INPP5D: variants seen among roughly 807,000 people sequenced by gnomAD.
INPP5D encodes the protein phosphatidylinositol 3,4,5-trisphosphate 5-phosphatase 1.
In INPP5D, 33 loss-of-function variants were observed where a neutral mutation model predicts 122.9. The observed-to-expected ratio is 0.27, with a 90% CI of 0.20 to 0.36. The LOEUF (loss-of-function observed/expected upper bound fraction) is 0.36. INPP5D is among the 10% of genes least tolerant of loss of function. INPP5D has a pLI of 1.00. For missense variants in INPP5D, 1,053 were observed against 1,412.7 expected (o/e 0.75, Z 4.08); for synonymous variants, 584 against 576.2 (o/e 1.01, Z -0.19).
At chr2:233,079,546 G>C (rs933503336) in intron 2 of INPP5D, 148 bp downstream of exon 2, 10 of 644,620 alleles carry the variant, frequency 1.6e-5, no homozygotes, top group Non-Finnish European at 2.8e-5. Flanking sequence ...GTGTCCATGG[G>C]GTGGCTTAGC....
rs183808203 is a variant in INPP5D, at chr2:233,105,810, G to A, written c.199-16297G>A. On this transcript the variant is annotated intron_variant, in intron 2 of 26. Transcript: ENST00000445964. The surrounding 1 kb of genome is among the most constrained non-coding windows in gnomAD (Gnocchi z 4.0). Reference sequence around the variant, plus strand: ...CAGCAAGTGGAGGGTGCCAGGGAGAGAGTGGCTCTGGGGGGCCACAGTGGG... The same window carrying A: ...CAGCAAGTGGAGGGTGCCAGGGAGAAAGTGGCTCTGGGGGGCCACAGTGGG... Among the ~76,000 whole-genome samples, 2 of 152,302 alleles carry A rather than the reference G, an allele frequency of 1.3e-5. No individual in the cohort carries two copies. The highest frequency in any genetic ancestry group is 3.9e-4 in the East Asian group (2 of 5,184).
rs1442119142 is a variant in INPP5D at position 233,206,319 on chromosome 2, C to CAT, written c.3568-377_3568-376dup. ...CATTGATATCCATTACATATCATTT[C>CAT]ATATATATATACTATACATATTACA... On this transcript the variant is annotated intron_variant, in intron 26 of 26. Coordinates refer to ENST00000445964, the MANE Select transcript of INPP5D (RefSeq NM_001017915.3). The surrounding 1 kb of genome is among the most constrained non-coding windows in gnomAD (Gnocchi z 4.0). 1.3e-5 allele frequency among the ~76,000 whole-genome samples: 2 copies of CAT among 151,072 alleles called. No homozygotes were observed. The highest frequency in any genetic ancestry group is 2.4e-5 in the African/African-American group (1 of 41,170).
chr2:233,068,784 T>C (rs1253942353), intron 1 of INPP5D, among the ~76,000 whole-genome samples: 1 of 152,116 alleles, frequency 6.6e-6, no homozygotes, highest in Non-Finnish European at 1.5e-5. Flanking sequence ...ACTTGAGGCC[T>C]CCTTGGAGGA....
At chr2:233,162,379 T>TAATATATATACATATGCTAAATATATAC (rs66743232) in intron 11 of INPP5D, among the ~76,000 whole-genome samples, 1 of 150,538 alleles carries the variant, frequency 6.6e-6, no homozygotes. Flanking sequence ...GCTGAATATA[T>TAATATATATACATATGCTAAATATATAC]AGTATATATA....
At chr2:233,149,667 G>A (rs560946108) in intron 9 of INPP5D, among the ~76,000 whole-genome samples, 24 of 152,130 alleles carry the variant, frequency 1.6e-4, no homozygotes, top group Non-Finnish European at 3.1e-4. Flanking sequence ...TTGCAATAGT[G>A]CATCCTGAAC....
chr2:233,173,104 G>T (rs1203129263), intron 17 of INPP5D, among the ~76,000 whole-genome samples: 1 of 151,996 alleles, frequency 6.6e-6, no homozygotes, highest in Non-Finnish European at 1.5e-5. Context: ...AGCTACTCGG[G>T]AGGCTGAGGC....
At chr2:233,121,139 T>C (rs1204311298) in intron 2 of INPP5D, among the ~76,000 whole-genome samples, 2 of 146,950 alleles carry the variant, frequency 1.4e-5, no homozygotes, top group African/African-American at 2.5e-5. Context: ...TTTTTCTTTT[T>C]TTTTTTTTTT....
intron 1 of INPP5D, among the ~76,000 whole-genome samples, chr2:233,075,065 A>C (rs192399222): frequency 6.6e-6 from 1 of 152,290 alleles, no homozygotes; most frequent in Admixed American, 6.5e-5. Flanking sequence ...ATGCTCTTCT[A>C]CTGAGAAGCA....
intron 22 of INPP5D, among the ~76,000 whole-genome samples, chr2:233,190,916 G>A (rs1449324978): frequency 2.0e-5 from 3 of 152,224 alleles, no homozygotes; most frequent in South Asian, 2.1e-4. Flanking sequence ...TTGGAAATCC[G>A]CATCTGCAGT....
intron 2 of INPP5D, among the ~76,000 whole-genome samples, chr2:233,103,531 G>C (rs575877857): frequency 1.5e-4 from 23 of 152,088 alleles, no homozygotes; most frequent in Middle Eastern, 3.4e-3. Context: ...ATTGGAGAAC[G>C]GCAATCTTTC....
chr2:233,126,544 A>G (rs2106260463), intron 4 of INPP5D, among the ~76,000 whole-genome samples: 1 of 152,286 alleles, frequency 6.6e-6, no homozygotes. Flanking sequence ...TATTTGTGCT[A>G]TTTATCAAAT....
intron 2 of INPP5D, among the ~76,000 whole-genome samples, chr2:233,090,705 C>T (rs1420219683): frequency 6.6e-6 from 1 of 152,150 alleles, no homozygotes; most frequent in East Asian, 1.9e-4. Flanking sequence ...TGCCTGTAAT[C>T]CCAGCACTTT....
intron 4 of INPP5D, among the ~76,000 whole-genome samples, chr2:233,126,691 G>A (rs938325450): frequency 4.6e-5 from 7 of 152,196 alleles, no homozygotes; most frequent in African/African-American, 1.2e-4. Context: ...AGGCCCAGGC[G>A]GGCAGATCAC....
intron 22 of INPP5D, among the ~76,000 whole-genome samples, chr2:233,191,101 A>G (rs549768907): frequency 2.0e-4 from 30 of 152,310 alleles, no homozygotes; most frequent in Non-Finnish European, 3.1e-4. Context: ...CGGGTAATTT[A>G]TAAAGGAAAG....
rs772940146 is a variant in INPP5D, at chr2:233,170,197, G to A, written c.1791+33G>A. Reference sequence around the variant, plus strand: ...CTGCCCGCCTGGGGCTGGGGCTGGGGCTGTATGAGATGGAGGCTCCCTTGA... The same window carrying A: ...CTGCCCGCCTGGGGCTGGGGCTGGGACTGTATGAGATGGAGGCTCCCTTGA... On this transcript the variant is annotated intron_variant, in intron 15 of 26. Coordinates refer to ENST00000445964, the MANE Select transcript of INPP5D (RefSeq NM_001017915.3). The surrounding 1 kb of genome is among the most constrained non-coding windows in gnomAD (Gnocchi z 4.5). The A allele has an allele frequency of 1.2e-5, 19 of 1,605,102 alleles. No individual in the cohort carries two copies. The South Asian group carries it at 2.0e-4, about 17-fold the overall frequency.
chr2:233,080,617 A>G (rs1317672415), intron 2 of INPP5D, among the ~76,000 whole-genome samples: 2 of 152,160 alleles, frequency 1.3e-5, no homozygotes, highest in Non-Finnish European at 2.9e-5. Flanking sequence ...TTGTTTGAAA[A>G]GAAAGTGGAA....
intron 2 of INPP5D, among the ~76,000 whole-genome samples, chr2:233,090,962 GAA>G (rs112631725): frequency 6.8e-4 from 59 of 86,670 alleles, no homozygotes; most frequent in African/African-American, 1.8e-3. Context: ...CCGTCTCAAA[GAA>G]AAAAAAAAAA....
At chr2:233,102,416 A>G (rs1172929867) in intron 2 of INPP5D, among the ~76,000 whole-genome samples, 3 of 152,096 alleles carry the variant, frequency 2.0e-5, no homozygotes, top group Non-Finnish European at 4.4e-5. Flanking sequence ...CACTCACACC[A>G]AGTTTCACAT....
chr2:233,086,119 C>CTCTTTCTTTCCTTCTTTCTTTCTTTCTT (rs1553569181), intron 2 of INPP5D, among the ~76,000 whole-genome samples: 1 of 93,828 alleles, frequency 1.1e-5, no homozygotes, highest in African/African-American at 4.0e-5. Flanking sequence ...ATAAGATAGC[C>CTCTTTCTTTCCTTCTTTCTTTCTTTCTT]TCTTTCTTTC....
Sources: gnomAD v4.1 joint callset for allele counts (sites outside exome capture counted in the v4.1 genomes callset) on GRCh38, gnomAD v4.1.1 for gene constraint, Gnocchi (gnomAD v3.1) non-coding constraint, MANE v1.5 for transcripts, NCBI Gene and HGNC (gene_info 2026-07-23, HGNC 2026-07-21) for gene names.